Variants in SLC35E4 observed in about 807,000 individuals in gnomAD.
SLC35E4 encodes solute carrier family 35 member E4.
Under a neutral mutation model 19.3 loss-of-function variants are expected in SLC35E4, and 15 were observed. The ratio of observed to expected loss-of-function variants is 0.78; its 90% CI spans 0.52 to 1.20. SLC35E4 has a LOEUF of 1.20. Among genes scored for constraint, SLC35E4 ranks in the 50% most tolerant of loss-of-function variants. The pLI is 0.00. For synonymous variants in SLC35E4, 219 were observed against 219.9 expected (o/e 1.00, Z 0.04); for missense variants, 406 against 472.3 (o/e 0.86, Z 1.30).
chr22:30,657,632 C>T (rs568567806), intron 2 of SLC35E4, among the ~76,000 whole-genome samples: 13 of 151,656 alleles, frequency 8.6e-5, no homozygotes, highest in South Asian at 8.3e-4. Context: ...AGGCCAGGCG[C>T]GGTGGCTCAT....
intron 1 of SLC35E4, among the ~76,000 whole-genome samples, chr22:30,643,695 C>T (rs1279633899): frequency 6.6e-6 from 1 of 152,082 alleles, no homozygotes; most frequent in East Asian, 1.9e-4. Flanking sequence ...CCGAGCCACA[C>T]GACTTAAGGA....
chr22:30,637,135 G>C, intron 1 of SLC35E4, 66 bp downstream of exon 1: 1 of 1,510,250 alleles, frequency 6.6e-7, no homozygotes, highest in South Asian at 1.3e-5. Context: ...GGATGGCCCT[G>C]TGAGGGGTAT....
At chr22:30,668,356 G>A (rs1401712185) in exon 3 of SLC35E4, 3 of 152,302 alleles carry the variant, frequency 2.0e-5, no homozygotes, top group Non-Finnish European at 4.4e-5. Flanking sequence ...CCGCAAGGGA[G>A]CCCGAACTCT....
chr22:30,668,832 C>T (rs1374027084), exon 3 of SLC35E4: 1 of 152,150 alleles, frequency 6.6e-6, no homozygotes, highest in African/African-American at 2.4e-5. Flanking sequence ...CCATGGAGGA[C>T]TTGAGGTGGA....
chr22:30,637,174 A>T, intron 1 of SLC35E4, 105 bp downstream of exon 1: 1 of 1,463,322 alleles, frequency 6.8e-7, no homozygotes, highest in Middle Eastern at 2.2e-4. Context: ...CAAATGAGGA[A>T]ACTGAGGTTC....
chr22:30,636,748 C>T lies in SLC35E4; in HGVS notation c.298C>T (p.Arg100Cys), dbSNP rs1236735409. Reference protein sequence around the residue: ...AALACHRGARRPMPGGTRCRV... With the variant: ...AALACHRGARCPMPGGTRCRV... ...CCTGGCATGCCACCGGGGGGCACGG[C>T]GCCCCATGCCAGGCGGCACTCGCTG... is the stretch of plus-strand genomic sequence containing the variant. The change falls in exon 1 of 2, where the codon CGC becomes TGC. Residue 100 changes from arginine to cysteine, a missense_variant. Physicochemically the swap from Arg to Cys is radical, Grantham distance 180. Coordinates refer to ENST00000343605, the MANE Select transcript of SLC35E4 (RefSeq NM_001001479.4). The T allele has an allele frequency of 1.2e-6, 2 of 1,611,962 alleles. No individual in the cohort carries two copies. Among genetic ancestry groups the T allele is most frequent in the South Asian group, 1.1e-5 (1 of 90,950 alleles).
In SLC35E4 at chr22:30,636,550, C is replaced by T. The variant is rs1479496417; in HGVS notation, c.100C>T (p.Pro34Ser). Residue 34 changes from proline to serine, a missense_variant, in exon 1 of 2, where the codon CCC becomes TCC. Transcript: ENST00000343605. ...TCAGGCGGCTGGGCCCCCCGAGTGG[C>T]CCCCTGGCAGCCCTCAGGCCCTCCG... Reference protein sequence around the residue: ...GAQAAGPPEWPPGSPQALRQP... With the variant: ...GAQAAGPPEWSPGSPQALRQP... 1.3e-6 allele frequency: 2 copies of T among 1,565,084 alleles called. No individual in the cohort carries two copies. Among genetic ancestry groups the T allele is most frequent in the South Asian group, 2.3e-5 (2 of 86,270 alleles).
Position 30,636,580 on chromosome 22 carries a change from C to T in SLC35E4, c.130C>T (p.Pro44Ser). 6.3e-7 allele frequency: 1 copy of T among 1,593,642 alleles called. No homozygotes were observed. Residue 44 changes from proline to serine, a missense_variant, in exon 1 of 2, where the codon CCT becomes TCT. Coordinates refer to ENST00000343605, the MANE Select transcript of SLC35E4 (RefSeq NM_001001479.4). The part of the protein sequence containing the change: ...PPGSPQALRQ[P>S]GRARVAMAAL... ...TGGCAGCCCTCAGGCCCTCCGGCAG[C>T]CTGGCCGGGCCCGAGTGGCCATGGC...
At chr22:30,668,893 T>C (rs1380634403) in exon 3 of SLC35E4, 1 of 152,222 alleles carries the variant, frequency 6.6e-6, no homozygotes, top group African/African-American at 2.4e-5. Flanking sequence ...AGGGAATATT[T>C]CCAGTCGTTG....
intron 2 of SLC35E4, among the ~76,000 whole-genome samples, chr22:30,655,460 AAAG>A (rs2088321115): frequency 6.7e-6 from 1 of 148,772 alleles, no homozygotes; most frequent in African/African-American, 2.4e-5. Context: ...AAAAAGAAAA[AAAG>A]AAGCCACTAG....
intron 2 of SLC35E4, among the ~76,000 whole-genome samples, chr22:30,656,124 C>A (rs1280461650): frequency 1.3e-5 from 2 of 151,828 alleles, no homozygotes; most frequent in African/African-American, 2.4e-5. Context: ...CAGGTGTGCA[C>A]CACCATGCTG....
intron 2 of SLC35E4, among the ~76,000 whole-genome samples, chr22:30,659,305 C>T (rs1290492901): frequency 6.6e-6 from 1 of 152,098 alleles, no homozygotes; most frequent in Non-Finnish European, 1.5e-5. Context: ...CAAAATTACA[C>T]ACAAAGAACA....
chr22:30,656,925 G>C (rs1335453337), intron 2 of SLC35E4, among the ~76,000 whole-genome samples: 1 of 151,986 alleles, frequency 6.6e-6, no homozygotes, highest in Non-Finnish European at 1.5e-5. Flanking sequence ...GACCAGCCTG[G>C]TCAACATAGT....
At chr22:30,644,550 G>A (rs2088097432) in intron 1 of SLC35E4, among the ~76,000 whole-genome samples, 1 of 152,158 alleles carries the variant, frequency 6.6e-6, no homozygotes, top group Non-Finnish European at 1.5e-5. Context: ...AGACCAGCCT[G>A]GGTGAACCAG....
chr22:30,658,224 G>C (rs970598285), intron 2 of SLC35E4, among the ~76,000 whole-genome samples: 2 of 151,664 alleles, frequency 1.3e-5, no homozygotes, highest in Admixed American at 6.6e-5. Flanking sequence ...GGAAATAATG[G>C]ATCTGAGGAC....
At chr22:30,648,853 A>G (rs1019844767), downstream of SLC35E4, among the ~76,000 whole-genome samples, 5 of 152,088 alleles carry the variant, frequency 3.3e-5, no homozygotes, top group African/African-American at 1.2e-4. Context: ...CAAAAAAAAA[A>G]AGGGCTGATG....
At chr22:30,648,169 T>C (rs2088164362), downstream of SLC35E4, among the ~76,000 whole-genome samples, 1 of 152,144 alleles carries the variant, frequency 6.6e-6, no homozygotes, top group African/African-American at 2.4e-5. Context: ...GTGCACATTC[T>C]GATGTTCCTC....
At chr22:30,654,158 A>G in intron 2 of SLC35E4, 1 of 219,318 alleles carries the variant, frequency 4.6e-6, no homozygotes, top group Non-Finnish European at 9.1e-6. Flanking sequence ...TTTATTTTTT[A>G]TTTTTTTAGT....
downstream of SLC35E4, among the ~76,000 whole-genome samples, chr22:30,664,653 G>C (rs1022570357): frequency 2.6e-5 from 4 of 152,142 alleles, no homozygotes; most frequent in African/African-American, 9.7e-5. Context: ...GAGTAGGGAG[G>C]GTTCCCATTT....
Sources: gnomAD v4.1 joint callset for allele counts (sites outside exome capture counted in the v4.1 genomes callset) on GRCh38, gnomAD v4.1.1 for gene constraint, MANE v1.5 for transcripts, NCBI Gene and HGNC (gene_info 2026-07-23, HGNC 2026-07-21) for gene names.